SSBP3: variants seen among roughly 807,000 people sequenced by gnomAD.
SSBP3 encodes single stranded DNA binding protein 3.
In SSBP3, 5 loss-of-function variants were observed where a neutral mutation model predicts 69.6. That is an observed-to-expected ratio of 0.07 (90% CI 0.04 to 0.15). The LOEUF (loss-of-function observed/expected upper bound fraction) is 0.15. Ranked by LOEUF, SSBP3 falls within the 10% of genes least tolerant of loss-of-function variation. The probability of loss-of-function intolerance (pLI) is 1.00; values close to 1 mark genes in which losing one functional copy is unlikely to be tolerated. For missense variants in SSBP3, 312 were observed against 534.0 expected, an observed-to-expected ratio of 0.58 and a Z score of 4.10; for synonymous variants, 196 against 193.4, an observed-to-expected ratio of 1.01 and a Z score of -0.11.
intron 14 of SSBP3, among the ~76,000 whole-genome samples, chr1:54,229,945 A>C (rs1335368708): frequency 1.3e-5 from 2 of 152,236 alleles, no homozygotes; most frequent in East Asian, 3.9e-4. Context: ...AGAGCAAGGC[A>C]GAGAAATCAG....
chr1:54,242,367 G>T (rs958695511), intron 10 of SSBP3, among the ~76,000 whole-genome samples, 155 bp from the exon 11 acceptor site: 5 of 152,142 alleles, frequency 3.3e-5, no homozygotes, highest in African/African-American at 9.7e-5. Context: ...GGCAGTAATG[G>T]GTAACTTCAT....
At chr1:54,239,272 G>A in intron 13 of SSBP3, 73 bp from the exon 14 acceptor site, 1 of 1,189,834 alleles carries the variant, frequency 8.4e-7, no homozygotes, top group Non-Finnish European at 1.2e-6. Context: ...CATGGCACTG[G>A]AACTCATTCT....
In SSBP3 at chr1:54,272,230, C is replaced by T. The variant is rs1441965787; in HGVS notation, c.366+9208G>A. ...AACAGGACATGAACCTGACCCCATA[C>T]TGTGGTTCCCTGCACTTAGAACAGT... On this transcript the variant is annotated intron_variant, in intron 5 of 17. Coordinates refer to ENST00000610401, the Ensembl canonical transcript of SSBP3. Among the ~76,000 whole-genome samples the T allele has an allele frequency of 4.6e-5, 7 of 152,154 alleles. No homozygotes were observed. The South Asian group carries it at 1.0e-3, about 22-fold the overall frequency.
intron 4 of SSBP3, among the ~76,000 whole-genome samples, chr1:54,394,065 T>C (rs1373305465): frequency 2.6e-5 from 4 of 152,250 alleles, no homozygotes; most frequent in African/African-American, 9.6e-5. Context: ...CGGCCTGGTA[T>C]ACTTTATTAA....
At chr1:54,293,486 C>T (rs956381548) in intron 4 of SSBP3, among the ~76,000 whole-genome samples, 24 of 152,220 alleles carry the variant, frequency 1.6e-4, no homozygotes, top group African/African-American at 5.5e-4. Flanking sequence ...CTTTACAAAA[C>T]ATTTATTGGG....
At chr1:54,360,657 C>G (rs1447173687) in intron 4 of SSBP3, among the ~76,000 whole-genome samples, 1 of 152,116 alleles carries the variant, frequency 6.6e-6, no homozygotes, top group Non-Finnish European at 1.5e-5. Flanking sequence ...AAATTTAAAG[C>G]CCAAAATGTT....
At position 54,404,655 on chromosome 1, in the gene SSBP3, G is replaced by A. The variant is rs370433223; in HGVS notation, c.130-18C>T. On this transcript the variant is annotated intron_variant, in intron 2 of 17. Transcript: ENST00000610401. Reference sequence around the variant, plus strand: ...CATCGAATCTGGAAAGGTAAGAGCAGAAGCAGCTTAGAGGAGCAGAGACGG... The same window carrying A: ...CATCGAATCTGGAAAGGTAAGAGCAAAAGCAGCTTAGAGGAGCAGAGACGG... 6.3e-5 allele frequency: 101 copies of A among 1,613,854 alleles called. 1 individual carries two copies. The Admixed American group carries it at 6.7e-4, about 11-fold the overall frequency.
chr1:54,280,717 CAG>C lies in SSBP3; in HGVS notation c.366+719_366+720del, dbSNP rs554953417. 1.8e-3 allele frequency among the ~76,000 whole-genome samples: 228 copies of C among 128,780 alleles called. 1 individual carries two copies. The highest frequency in any genetic ancestry group is 5.6e-3 in the South Asian group (25 of 4,494). 84.5% of individuals were successfully genotyped at this position (128,780 alleles called of 152,430 possible). A position where few individuals can be genotyped will look rare whatever the true frequency, so the allele number is the denominator to read the frequency against. ...TGAACCGCCGAGGAGAAGGTAGAGA[CAG>C]AGGAGGCGGCGCAGAGAGGGTGGCA... On this transcript the variant is annotated intron_variant, in intron 5 of 17. Coordinates refer to ENST00000610401, the Ensembl canonical transcript of SSBP3.
At chr1:54,364,209 T>C (rs1192951209) in intron 4 of SSBP3, among the ~76,000 whole-genome samples, 1 of 152,242 alleles carries the variant, frequency 6.6e-6, no homozygotes, top group East Asian at 1.9e-4. Context: ...TATGCTACAA[T>C]GGCAGAGCTG....
intron 4 of SSBP3, among the ~76,000 whole-genome samples, chr1:54,396,658 C>T (rs1017963051): frequency 1.2e-4 from 19 of 152,184 alleles, no homozygotes; most frequent in African/African-American, 4.3e-4. Context: ...CCTCTGAGTG[C>T]TGGCTGGCAC....
At position 54,251,929 on chromosome 1, in the gene SSBP3, C is replaced by T. The variant is rs1644837650; in HGVS notation, c.508-69G>A. 12 of 1,341,784 alleles carry T rather than the reference C, an allele frequency of 8.9e-6. No homozygotes were observed. The South Asian group carries it at 1.4e-4, about 16-fold the overall frequency. The allele number at this position is 1,341,784 out of a possible 1,614,324, so 83.1% of individuals were successfully genotyped here. A position where few individuals can be genotyped will look rare whatever the true frequency, so the allele number is the denominator to read the frequency against. On this transcript the variant is annotated intron_variant, in intron 7 of 17. Transcript: ENST00000610401. Reference sequence around the variant, plus strand: ...TGCTGGCCATGGGGACAGGCATCTACCTGTCCCACCCAGTGCCCCGTGTGA... The same window carrying T: ...TGCTGGCCATGGGGACAGGCATCTATCTGTCCCACCCAGTGCCCCGTGTGA...
In SSBP3 at chr1:54,381,382, C is replaced by CAAAAA. The variant is rs59809996; in HGVS notation, c.276+20474_276+20478dup. Among the ~76,000 whole-genome samples the CAAAAA allele has an allele frequency of 9.9e-4, 69 of 69,440 alleles. 1 individual carries two copies. Among genetic ancestry groups the CAAAAA allele is most frequent in the African/African-American group, 1.7e-3 (40 of 23,676 alleles). 45.6% of individuals were successfully genotyped at this position (69,440 alleles called of 152,430 possible). A position where few individuals can be genotyped will look rare whatever the true frequency, so the allele number is the denominator to read the frequency against. The stretch of plus-strand genomic sequence containing the variant: ...TGGGCGACAGAGTGATACACCATCT[C>CAAAAA]AAAAAAAAAAAAAAAAAAAAAAAAA... On this transcript the variant is annotated intron_variant, in intron 4 of 17. Transcript: ENST00000610401.
chr1:54,253,182 TTTAG>T (rs1644861386), intron 7 of SSBP3, among the ~76,000 whole-genome samples: 4 of 144,488 alleles, frequency 2.8e-5, no homozygotes, highest in Admixed American at 1.4e-4. Flanking sequence ...TTGTTTTTTT[TTTAG>T]TTTTTGTTTT....
chr1:54,239,194 T>C lies in SSBP3; in HGVS notation c.862A>G (p.Thr288Ala), dbSNP rs148337946. 1.7e-5 allele frequency: 27 copies of C among 1,612,290 alleles called. No individual in the cohort carries two copies. The African/African-American group carries it at 1.9e-4, about 11-fold the overall frequency. The change falls in exon 14 of 18, where the codon ACA (threonine) becomes GCA (alanine). Residue 288 changes from threonine (T) to alanine (A), a missense_variant. Physicochemically the swap from Thr to Ala is moderately conservative, Grantham distance 58 (BLOSUM62 0). Around this residue, in one of 4 missense-constraint regions of SSBP3, gnomAD observed 84 missense variants for 90.4 expected, o/e 0.93. Coordinates refer to ENST00000610401, the Ensembl canonical transcript of SSBP3. ...GTGTAGATGTTGTCACTGGAATTTG[T>C]TGAATCTGTAGAACAGTGGAAACCC...
chr1:54,283,231 G>C (rs1290524306), intron 4 of SSBP3, among the ~76,000 whole-genome samples: 6 of 146,070 alleles, frequency 4.1e-5, no homozygotes, highest in Non-Finnish European at 7.4e-5. Context: ...TTGCACCACT[G>C]CACTCCAGCC....
chr1:54,258,058 G>T lies in SSBP3; in HGVS notation c.447+11C>A. 6.3e-7 allele frequency: 1 copy of T among 1,578,924 alleles called. No homozygotes were observed. Among genetic ancestry groups the T allele is most frequent in the Non-Finnish European group, 8.6e-7 (1 of 1,164,604 alleles). On this transcript the variant is annotated intron_variant, in intron 6 of 17. Coordinates refer to ENST00000610401, the Ensembl canonical transcript of SSBP3. The surrounding 1 kb of genome is among the most constrained non-coding windows in gnomAD (Gnocchi z 4.5). Reference sequence around the variant, plus strand: ...CGTCCCCGGCGGGCGGGAGCGCCACGGTGCGTTTACCTGACTGTGGGGTCC... The same window carrying T: ...CGTCCCCGGCGGGCGGGAGCGCCACTGTGCGTTTACCTGACTGTGGGGTCC...
chr1:54,404,197 G>T (rs768590454), intron 3 of SSBP3, among the ~76,000 whole-genome samples: 1 of 152,102 alleles, frequency 6.6e-6, no homozygotes, highest in Non-Finnish European at 1.5e-5. Flanking sequence ...CAGGCTAGTT[G>T]TAAAACAGAC....
chr1:54,233,254 C>G (rs1015705635), intron 14 of SSBP3, among the ~76,000 whole-genome samples: 11 of 148,818 alleles, frequency 7.4e-5, no homozygotes, highest in Non-Finnish European at 1.3e-4. Context: ...ATGTGAGGAG[C>G]GCCTCTGCCC....
intron 4 of SSBP3, among the ~76,000 whole-genome samples, chr1:54,347,851 C>G (rs894360695): frequency 6.6e-6 from 1 of 152,192 alleles, no homozygotes; most frequent in Non-Finnish European, 1.5e-5. Flanking sequence ...CCTGCGGGCA[C>G]CTTCCTCGTG....
Sources: gnomAD v4.1 joint callset for allele counts (sites outside exome capture counted in the v4.1 genomes callset) on GRCh38, gnomAD v4.1.1 for gene constraint, gnomAD v4.1.1 regional missense constraint, Gnocchi (gnomAD v3.1) non-coding constraint, MANE v1.5 for transcripts, NCBI Gene and HGNC (gene_info 2026-07-23, HGNC 2026-07-21) for gene names.